GPATCH1: variants seen among roughly 807,000 people sequenced by gnomAD.
GPATCH1 encodes G-patch domain containing 1.
Under a neutral mutation model 114.9 loss-of-function variants are expected in GPATCH1, and 73 were observed. That is an observed-to-expected ratio of 0.64 (90% CI 0.53 to 0.77). The LOEUF is 0.77. Ranked by LOEUF, GPATCH1 falls within the 30% of genes least tolerant of loss-of-function variation. The probability of loss-of-function intolerance (pLI) is 0.00; values close to 1 mark genes in which losing one functional copy is unlikely to be tolerated. For synonymous variants in GPATCH1, 391 were observed against 428.4 expected (o/e 0.91, Z 1.08); for missense variants, 1,058 against 1,144.3 (o/e 0.92, Z 1.09).
intron 1 of GPATCH1, among the ~76,000 whole-genome samples, chr19:33,085,994 C>G (rs764225480): frequency 5.3e-5 from 8 of 152,208 alleles, no homozygotes; most frequent in Non-Finnish European, 1.0e-4. Context: ...TTCCCTCTTA[C>G]CGTAGCCCAG....
intron 7 of GPATCH1, among the ~76,000 whole-genome samples, chr19:33,096,691 C>T (rs777751900): frequency 3.1e-4 from 47 of 151,880 alleles, no homozygotes; most frequent in Non-Finnish European, 4.7e-4. Context: ...TGCAGTGGTG[C>T]GATCTTGGCT....
intron 10 of GPATCH1, among the ~76,000 whole-genome samples, chr19:33,108,889 G>A (rs1245325731): frequency 6.6e-6 from 1 of 152,196 alleles, no homozygotes; most frequent in Admixed American, 6.6e-5. Flanking sequence ...TGCCCTGTAA[G>A]TGTGCATGTA....
chr19:33,126,541 A>G, intron 18 of GPATCH1, 47 bp from the exon 19 acceptor site: 1 of 1,605,110 alleles, frequency 6.2e-7, no homozygotes, highest in East Asian at 2.2e-5. Context: ...TGAATTAAGG[A>G]GGAAAAAATA....
Position 33,113,782 on chromosome 19 carries a change from C to G in GPATCH1, c.1908C>G (p.Gly636=). 6.2e-7 allele frequency: 1 copy of G among 1,613,660 alleles called. No individual in the cohort carries two copies. Residue 636 remains glycine, a synonymous_variant, in exon 14 of 20, where the codon GGC becomes GGG. Transcript: ENST00000170564. The part of the protein sequence containing the change: ...PDPYPDSTLV[G]LPRVKRDKYS... ...CAATTCCCAGTTCAACTTTAGTTGGCTTACCAAGAGTGAAGCGTGACAAGT... is the reference window on the plus strand; with the variant it reads ...CAATTCCCAGTTCAACTTTAGTTGGGTTACCAAGAGTGAAGCGTGACAAGT...
At chr19:33,093,602 T>G in intron 4 of GPATCH1, 83 bp downstream of exon 4, 1 of 1,290,624 alleles carries the variant, frequency 7.7e-7, no homozygotes, top group African/African-American at 1.5e-5. Flanking sequence ...ATAGTTTGAT[T>G]GCAAGTGAGA....
intron 1 of GPATCH1, among the ~76,000 whole-genome samples, chr19:33,086,307 T>C (rs1367679933): frequency 6.6e-6 from 1 of 152,156 alleles, no homozygotes; most frequent in Non-Finnish European, 1.5e-5. Flanking sequence ...GTAGCTGATA[T>C]TAACTGATTT....
At chr19:33,095,627 C>T (rs1972648410) in intron 5 of GPATCH1, 135 bp from the exon 6 acceptor site, 2 of 689,712 alleles carry the variant, frequency 2.9e-6, no homozygotes, top group Non-Finnish European at 5.3e-6. Context: ...GTCTTGAACT[C>T]CTGGGCTCAA....
chr19:33,120,893 G>A (rs182496174), intron 17 of GPATCH1, among the ~76,000 whole-genome samples: 1 of 151,706 alleles, frequency 6.6e-6, no homozygotes, highest in Non-Finnish European at 1.5e-5. Context: ...GGGAGGCTGA[G>A]GCAGAAGAAG....
At position 33,125,232 on chromosome 19, in the gene GPATCH1, G is replaced by A. The variant is rs958071119; in HGVS notation, c.2619+30G>A. ...GAGACTTGTGTGTACCCCAGGATCA[G>A]TGTGGGGTGGGACCCGCTGGTCAGC... is the stretch of plus-strand genomic sequence containing the variant. On this transcript the variant is annotated intron_variant, in intron 18 of 19. Transcript: ENST00000170564. The A allele has an allele frequency of 3.2e-6, 5 of 1,572,406 alleles. No individual in the cohort carries two copies. In the African/African-American group the frequency reaches 5.5e-5, roughly 17 times the overall value.
In GPATCH1 at chr19:33,121,609, G is replaced by A. The variant is rs555619809; in HGVS notation, c.2521+2492G>A. Among the ~76,000 whole-genome samples the A allele has an allele frequency of 4.6e-5, 7 of 152,150 alleles. No individual in the cohort carries two copies. The South Asian group carries it at 6.2e-4, about 14-fold the overall frequency. ...GCTGGGATTTTAGGCGTGAGCCACCGCACCCGGCCGCCAAGTCTCCTTTTT... is the reference window on the plus strand; with the variant it reads ...GCTGGGATTTTAGGCGTGAGCCACCACACCCGGCCGCCAAGTCTCCTTTTT... On this transcript the variant is annotated intron_variant, in intron 17 of 19. Coordinates refer to ENST00000170564, the MANE Select transcript of GPATCH1 (RefSeq NM_018025.3).
intron 1 of GPATCH1, among the ~76,000 whole-genome samples, chr19:33,082,858 C>T (rs1972493255): frequency 6.6e-6 from 1 of 152,064 alleles, no homozygotes. Flanking sequence ...GTTTCAAACT[C>T]CTGACCTCAA....
In GPATCH1 at chr19:33,114,395, T is replaced by C. The variant is rs199803524; in HGVS notation, c.2172T>C (p.His724=). 252 of 1,602,742 alleles carry C rather than the reference T, an allele frequency of 1.6e-4. 1 individual carries two copies. The highest frequency in any genetic ancestry group is 1.0e-3 in the Middle Eastern group (6 of 6,014). Reference sequence around the variant, plus strand: ...CCTTAGTAAACAAAGAGGAAGAGCATGCACCAGAATTATCCGCAAATCAGG... The same window carrying C: ...CCTTAGTAAACAAAGAGGAAGAGCACGCACCAGAATTATCCGCAAATCAGG... ...SSPLVNKEEE[H]APELSANQTV... The change falls in exon 15 of 20, where the codon CAT becomes CAC. Residue 724 remains histidine, a synonymous_variant. Coordinates refer to ENST00000170564, the MANE Select transcript of GPATCH1 (RefSeq NM_018025.3).
At chr19:33,085,051 A>C (rs1300167876) in intron 1 of GPATCH1, among the ~76,000 whole-genome samples, 1 of 152,068 alleles carries the variant, frequency 6.6e-6, no homozygotes, top group African/African-American at 2.4e-5. Flanking sequence ...GCTTATTCCT[A>C]ACGGTGGCTG....
At chr19:33,123,831 T>G (rs1180917285) in intron 17 of GPATCH1, among the ~76,000 whole-genome samples, 15 of 152,050 alleles carry the variant, frequency 9.9e-5, no homozygotes, top group African/African-American at 3.6e-4. Flanking sequence ...ACAAAACATC[T>G]TGAAACTTTC....
intron 19 of GPATCH1, among the ~76,000 whole-genome samples, chr19:33,129,305 G>A (rs1438609673): frequency 1.3e-5 from 2 of 151,926 alleles, no homozygotes; most frequent in Non-Finnish European, 2.9e-5. Context: ...GGGCATGGTG[G>A]CTCATGCCTG....
chr19:33,126,510 CTTGT>C (rs1356710091), intron 18 of GPATCH1, 74 bp from the exon 19 acceptor site: 72 of 1,587,320 alleles, frequency 4.5e-5, no homozygotes, highest in Non-Finnish European at 5.9e-5. Context: ...TCACTGCAGC[CTTGT>C]TAACCTTTCA....
chr19:33,127,101 C>T (rs890968036), intron 19 of GPATCH1, among the ~76,000 whole-genome samples: 5 of 151,510 alleles, frequency 3.3e-5, no homozygotes, highest in African/African-American at 1.2e-4. Flanking sequence ...TACCACTACA[C>T]TCCAGCCTGG....
chr19:33,120,340 TAA>T (rs1234211741), intron 17 of GPATCH1, among the ~76,000 whole-genome samples: 1 of 144,986 alleles, frequency 6.9e-6, no homozygotes, highest in Non-Finnish European at 1.5e-5. Flanking sequence ...AAATTATATA[TAA>T]AATTATATAT....
intron 15 of GPATCH1, 93 bp downstream of exon 15, chr19:33,114,512 G>A (rs1341256854): frequency 1.0e-6 from 1 of 988,844 alleles, no homozygotes; most frequent in Non-Finnish European, 1.5e-6. Context: ...CACCAGCAGA[G>A]GCAGCCAACT....
Sources: allele counts gnomAD v4.1 joint callset (sites outside exome capture counted in the v4.1 genomes callset), GRCh38; gene constraint gnomAD v4.1.1; transcripts MANE v1.5; gene names NCBI Gene and HGNC (gene_info 2026-07-23, HGNC 2026-07-21).